The following IL1R1 variants were observed in gnomAD, a reference collection of about 807,000 sequenced individuals.
The protein encoded by IL1R1 is interleukin-1 receptor type 1.
In IL1R1, 22 loss-of-function variants were observed where a neutral mutation model predicts 50.2. That is an observed-to-expected ratio of 0.44 (90% CI 0.31 to 0.63). The LOEUF (loss-of-function observed/expected upper bound fraction) is 0.63. Ranked by LOEUF, IL1R1 falls within the 20% of genes least tolerant of loss-of-function variation. IL1R1 has a pLI of 0.07. For synonymous variants in IL1R1, 251 were observed against 236.7 expected, an observed-to-expected ratio of 1.06 and a Z score of -0.55; for missense variants, 509 against 676.2, an observed-to-expected ratio of 0.75 and a Z score of 2.74.
intron 3 of IL1R1, among the ~76,000 whole-genome samples, chr2:102,158,610 T>C (rs781257880): frequency 3.3e-5 from 5 of 152,282 alleles, no homozygotes; most frequent in African/African-American, 2.4e-5. Flanking sequence ...AATATCAGCA[T>C]GTCTGGAGCA....
intron 1 of IL1R1, among the ~76,000 whole-genome samples, chr2:102,095,034 T>TTATACATATGACATATGTATATGTCA (rs1328315215): frequency 1.3e-5 from 2 of 152,200 alleles, no homozygotes; most frequent in East Asian, 3.8e-4. Context: ...TTTCATGGGC[T>TTATACATATGACATATGTATATGTCA]TATACATATG....
chr2:102,127,181 T>C (rs1031605235), intron 1 of IL1R1, among the ~76,000 whole-genome samples: 5 of 152,190 alleles, frequency 3.3e-5, no homozygotes, highest in South Asian at 2.1e-4. Context: ...TGAAGTTCCA[T>C]TGGGTGAGTC....
intron 1 of IL1R1, among the ~76,000 whole-genome samples, chr2:102,121,381 G>A (rs935541496): frequency 6.6e-6 from 1 of 152,190 alleles, no homozygotes; most frequent in African/African-American, 2.4e-5. Context: ...TGCAGCTGTG[G>A]AGCCACGTGT....
At chr2:102,125,512 G>A (rs139383212) in intron 1 of IL1R1, among the ~76,000 whole-genome samples, 14 of 152,292 alleles carry the variant, frequency 9.2e-5, no homozygotes, top group Admixed American at 2.6e-4. Context: ...TGTTCAGAAT[G>A]AAGTCACATG....
chr2:102,095,527 T>C (rs1202362240), intron 1 of IL1R1, among the ~76,000 whole-genome samples: 1 of 152,218 alleles, frequency 6.6e-6, no homozygotes, highest in Non-Finnish European at 1.5e-5. Context: ...GAAAACAACA[T>C]GCACCCATGA....
At chr2:102,151,594 G>A (rs1306939034) in intron 1 of IL1R1, among the ~76,000 whole-genome samples, 1 of 152,220 alleles carries the variant, frequency 6.6e-6, no homozygotes, top group Non-Finnish European at 1.5e-5. Context: ...AGGTAGGGAA[G>A]GCCAACAACT....
chr2:102,161,303 C>T (rs147031728), intron 3 of IL1R1, among the ~76,000 whole-genome samples: 87 of 152,212 alleles, frequency 5.7e-4, no homozygotes, highest in African/African-American at 1.9e-3. Flanking sequence ...TAAGTTTTGT[C>T]TAATTTGAAT....
At chr2:102,088,162 C>T (rs1679507466) in intron 1 of IL1R1, among the ~76,000 whole-genome samples, 4 of 152,218 alleles carry the variant, frequency 2.6e-5, no homozygotes, top group Admixed American at 2.6e-4. Context: ...TTCTTAATGA[C>T]ATCTAGAATG....
chr2:102,132,491 T>C (rs554200486), intron 1 of IL1R1, among the ~76,000 whole-genome samples: 6 of 151,954 alleles, frequency 3.9e-5, no homozygotes, highest in Non-Finnish European at 7.4e-5. Context: ...AAGAAGAAAA[T>C]TGTCAAATTG....
chr2:102,139,816 C>CATCTGT (rs1682542867), upstream of IL1R1, among the ~76,000 whole-genome samples: 2 of 152,220 alleles, frequency 1.3e-5, no homozygotes, highest in South Asian at 4.1e-4. Flanking sequence ...ATGGCAGTGC[C>CATCTGT]ATGCTTCCTG....
At position 102,172,754 on chromosome 2, in the gene IL1R1, AG is replaced by A. The variant is rs1685801117; in HGVS notation, c.908del (p.Ser303IlefsTer18). 2 of 1,612,716 alleles carry A rather than the reference AG, an allele frequency of 1.2e-6. No homozygotes were observed. The highest frequency in any genetic ancestry group is 2.7e-5 in the African/African-American group (2 of 75,020). On this transcript the variant is annotated frameshift_variant, in exon 9 of 12. Coordinates refer to ENST00000410023, the MANE Select transcript of IL1R1 (RefSeq NM_000877.4). LOFTEE classifies it high-confidence loss of function. ...ITVLNISEIE[S>X]RFYKHPFTCF... ...AGTGCTTAATATATCGGAAATTGAAAGTAGATTTTATAAACATCCATTTACC... is the reference window on the plus strand; with the variant it reads ...AGTGCTTAATATATCGGAAATTGAAATAGATTTTATAAACATCCATTTACC...
intron 1 of IL1R1, among the ~76,000 whole-genome samples, chr2:102,086,525 G>T (rs748067367): frequency 6.8e-6 from 1 of 148,046 alleles, no homozygotes; most frequent in Non-Finnish European, 1.5e-5. Context: ...TATTTTCTAC[G>T]CCTTTCTCCC....
Position 102,175,570 on chromosome 2 carries a change from G to A in IL1R1, c.1228G>A (p.Val410Ile). ...TGACTGTGATATTTTTGTGTTTAAA[G>A]TCTTGCCTGAGGTCTTGGAAAAACA... ...TSDCDIFVFKVLPEVLEKQCG... is the reference protein window; with the variant it reads ...TSDCDIFVFKILPEVLEKQCG... Residue 410 changes from valine to isoleucine, a missense_variant, in exon 11 of 12, where the codon GTC becomes ATC. Physicochemically the swap from Val to Ile is conservative, Grantham distance 29. Coordinates refer to ENST00000410023, the MANE Select transcript of IL1R1 (RefSeq NM_000877.4). 1.2e-6 allele frequency: 2 copies of A among 1,613,958 alleles called. No homozygotes were observed. Among genetic ancestry groups the A allele is most frequent in the South Asian group, 1.1e-5 (1 of 91,084 alleles).
chr2:102,159,678 A>G (rs143566435), intron 3 of IL1R1, among the ~76,000 whole-genome samples: 114 of 152,304 alleles, frequency 7.5e-4, no homozygotes, highest in Non-Finnish European at 1.3e-3. Flanking sequence ...GGTGAGGTCA[A>G]TAACACCACC....
In IL1R1 at chr2:102,179,403, G is replaced by T. The variant is rs3917329; in HGVS notation, c.*2644G>T. The T allele has an allele frequency of 0.07, 10,633 of 152,320 alleles. 445 individuals carry two copies. The highest frequency in any genetic ancestry group is 0.083 in the African/African-American group (3,447 of 41,506). 9.4% of individuals were successfully genotyped at this position (152,320 alleles called of 1,614,324 possible). A position where few individuals can be genotyped will look rare whatever the true frequency, so the allele number is the denominator to read the frequency against. ...GCAAAGTTATTCCCCATCTTCCAAG[G>T]GTTGAATTCTGGAGGAAGAAGACAC... On this transcript the variant is annotated 3_prime_UTR_variant, in exon 12 of 12. Transcript: ENST00000410023.
intron 1 of IL1R1, among the ~76,000 whole-genome samples, chr2:102,088,674 C>G (rs1679533323): frequency 6.6e-6 from 1 of 152,210 alleles, no homozygotes; most frequent in South Asian, 2.1e-4. Context: ...CTTCTTTTCT[C>G]CACTATAAAA....
At chr2:102,076,844 T>G (rs1678986558) in intron 1 of IL1R1, among the ~76,000 whole-genome samples, 1 of 152,134 alleles carries the variant, frequency 6.6e-6, no homozygotes, top group Non-Finnish European at 1.5e-5. Flanking sequence ...TTACTGTATT[T>G]GGGGGGTTTG....
intron 1 of IL1R1, among the ~76,000 whole-genome samples, chr2:102,113,580 G>A (rs1461724099): frequency 6.6e-6 from 1 of 152,178 alleles, no homozygotes; most frequent in African/African-American, 2.4e-5. Flanking sequence ...GAACTTGACT[G>A]GAAATCCTGG....
chr2:102,095,696 T>G (rs1369569129), intron 1 of IL1R1, among the ~76,000 whole-genome samples: 4 of 152,232 alleles, frequency 2.6e-5, no homozygotes, highest in African/African-American at 4.8e-5. Context: ...AAAAAATACA[T>G]TATTTTACTT....
Sources: allele counts gnomAD v4.1 joint callset (sites outside exome capture counted in the v4.1 genomes callset), GRCh38; gene constraint gnomAD v4.1.1; transcripts MANE v1.5; gene names NCBI Gene and HGNC (gene_info 2026-07-23, HGNC 2026-07-21).